The following BOLL variants were observed in gnomAD, a reference collection of about 807,000 sequenced individuals.
BOLL encodes protein boule-like.
BOLL carries 23 observed loss-of-function variants against 44.4 expected under a neutral mutation model. The ratio of observed to expected loss-of-function variants is 0.52; its 90% confidence interval spans 0.37 to 0.73. BOLL has a LOEUF of 0.73. Ranked by LOEUF, BOLL falls within the 30% of genes least tolerant of loss-of-function variation. The probability of loss-of-function intolerance (pLI) is 0.00; values close to 1 mark genes in which losing one functional copy is unlikely to be tolerated. For synonymous variants in BOLL, 97 were observed against 110.8 expected (o/e 0.88, Z 0.78); for missense variants, 287 against 338.3 (o/e 0.85, Z 1.19).
At chr2:197,739,058 G>A (rs995312376) in intron 10 of BOLL, among the ~76,000 whole-genome samples, 3 of 152,064 alleles carry the variant, frequency 2.0e-5, no homozygotes, top group Admixed American at 2.0e-4. Flanking sequence ...TGGAGTTTCT[G>A]TCTCTGAGTG....
chr2:197,777,245 T>C (rs1689556949), intron 3 of BOLL, 132 bp from the exon 4 acceptor site: 1 of 450,390 alleles, frequency 2.2e-6, no homozygotes, highest in Non-Finnish European at 3.8e-6. Context: ...TATGCTGCAC[T>C]AGCATGGGAA....
intron 6 of BOLL, among the ~76,000 whole-genome samples, chr2:197,767,799 T>C (rs1006479313): frequency 6.6e-6 from 1 of 151,986 alleles, no homozygotes; most frequent in African/African-American, 2.4e-5. Context: ...TAAGAGTATC[T>C]TCCCACTTAC....
At chr2:197,732,547 T>C (rs1687242606) in intron 10 of BOLL, among the ~76,000 whole-genome samples, 3 of 151,782 alleles carry the variant, frequency 2.0e-5, no homozygotes, top group Admixed American at 6.6e-5. Flanking sequence ...TGAACATTGA[T>C]GCAAAAATCC....
chr2:197,742,575 A>G (rs976286972), intron 10 of BOLL, among the ~76,000 whole-genome samples: 19 of 152,188 alleles, frequency 1.2e-4, no homozygotes, highest in African/African-American at 3.9e-4. Context: ...CAAAAAACCA[A>G]ACACCGCATG....
chr2:197,778,070 G>T (rs1419281559), intron 3 of BOLL, among the ~76,000 whole-genome samples: 2 of 151,794 alleles, frequency 1.3e-5, no homozygotes, highest in Non-Finnish European at 2.9e-5. Flanking sequence ...ATTAAAAAAT[G>T]GTATTACCAA....
intron 10 of BOLL, among the ~76,000 whole-genome samples, chr2:197,735,366 C>T (rs1160882291): frequency 1.3e-5 from 2 of 152,022 alleles, no homozygotes; most frequent in African/African-American, 2.4e-5. Context: ...TTTCTCTATT[C>T]CTCTTTCTGC....
intron 9 of BOLL, among the ~76,000 whole-genome samples, chr2:197,755,447 T>A (rs1045624113): frequency 1.1e-4 from 17 of 152,238 alleles, no homozygotes; most frequent in Admixed American, 3.9e-4. Flanking sequence ...TGCATGTGTA[T>A]GTTCATTGCA....
chr2:197,737,788 A>G (rs943342653), intron 10 of BOLL, among the ~76,000 whole-genome samples: 7 of 152,148 alleles, frequency 4.6e-5, no homozygotes, highest in Non-Finnish European at 1.0e-4. Flanking sequence ...AGATAGTGGT[A>G]GTAGTTCAGA....
At chr2:197,736,556 T>G (rs1279453968) in intron 10 of BOLL, among the ~76,000 whole-genome samples, 1 of 152,164 alleles carries the variant, frequency 6.6e-6, no homozygotes, top group Non-Finnish European at 1.5e-5. Flanking sequence ...AAGAGATACA[T>G]GAACTCTATG....
chr2:197,766,634 C>T, intron 6 of BOLL, 31 bp from the exon 7 acceptor site: 3 of 1,526,028 alleles, frequency 2.0e-6, no homozygotes, highest in East Asian at 2.3e-5. Context: ...AAAAATTAGG[C>T]AGAAGCCTTT....
chr2:197,784,845 G>T (rs2106401241), intron 1 of BOLL: 2 of 987,478 alleles, frequency 2.0e-6, no homozygotes, highest in East Asian at 1.1e-4. Context: ...AATTCCACTA[G>T]CAATAATTCC....
intron 7 of BOLL, among the ~76,000 whole-genome samples, chr2:197,765,884 C>T (rs574463444): frequency 6.6e-6 from 1 of 152,092 alleles, no homozygotes; most frequent in South Asian, 2.1e-4. Context: ...TCTACTGTTC[C>T]CTTCTTTACG....
At chr2:197,729,339 T>C (rs1481050803) in intron 10 of BOLL, among the ~76,000 whole-genome samples, 1 of 152,168 alleles carries the variant, frequency 6.6e-6, no homozygotes, top group East Asian at 1.9e-4. Context: ...CGCTGATTGC[T>C]AGCACAGCAG....
rs970601060 is a variant in BOLL, at chr2:197,758,890, T to C, written c.553-1490A>G. On this transcript the variant is annotated intron_variant, in intron 7 of 10. Coordinates refer to ENST00000392296, the MANE Select transcript of BOLL (RefSeq NM_033030.6). ...AATACCTGTATCTTACTTGGGGAAT[T>C]ATTGCTAAAGACTTTTTAGATCTAA... 53 of 1,467,046 alleles carry C rather than the reference T, an allele frequency of 3.6e-5. 2 individuals carry two copies. In the Middle Eastern group the frequency reaches 5.1e-4, roughly 14 times the overall value. 90.9% of individuals were successfully genotyped at this position (1,467,046 alleles called of 1,614,324 possible).
chr2:197,731,740 G>A (rs1029347254), intron 10 of BOLL, among the ~76,000 whole-genome samples: 1 of 151,980 alleles, frequency 6.6e-6, no homozygotes, highest in African/African-American at 2.4e-5. Flanking sequence ...AATGAAGGCA[G>A]AAATAAAGAT....
At chr2:197,758,799 A>G in intron 7 of BOLL, 2 of 575,444 alleles carry the variant, frequency 3.5e-6, no homozygotes, top group South Asian at 5.9e-5. Flanking sequence ...TTTAATATAA[A>G]TTATGTTAAA....
intron 1 of BOLL, 150 bp downstream of exon 1, chr2:197,784,906 T>G (rs1221458349): frequency 3.0e-6 from 3 of 986,794 alleles, no homozygotes; most frequent in Non-Finnish European, 3.6e-6. Flanking sequence ...GTTTGAAGGC[T>G]CCTCCGTTTG....
chr2:197,747,166 G>T (rs1418210700), intron 9 of BOLL, among the ~76,000 whole-genome samples: 1 of 151,996 alleles, frequency 6.6e-6, no homozygotes, highest in African/African-American at 2.4e-5. Context: ...CTTGATTGGG[G>T]TAATCATTTC....
At chr2:197,746,733 C>A (rs1336263804) in intron 9 of BOLL, among the ~76,000 whole-genome samples, 1 of 151,846 alleles carries the variant, frequency 6.6e-6, no homozygotes, top group Non-Finnish European at 1.5e-5. Context: ...AACCCCGTCT[C>A]TACTAAAAAT....
Sources: gnomAD v4.1 joint callset for allele counts (sites outside exome capture counted in the v4.1 genomes callset) on GRCh38, gnomAD v4.1.1 for gene constraint, MANE v1.5 for transcripts, NCBI Gene and HGNC (gene_info 2026-07-23, HGNC 2026-07-21) for gene names.